The following SYT14 variants were observed in gnomAD, a reference collection of about 807,000 sequenced individuals.
SYT14 encodes synaptotagmin 14, also known as synaptotagmin-14.
Under a neutral mutation model 74.2 loss-of-function variants are expected in SYT14, and 32 were observed. The observed-to-expected ratio is 0.43, with a 90% CI of 0.33 to 0.58. The LOEUF (loss-of-function observed/expected upper bound fraction) is 0.58, where lower values mean the gene tolerates loss of function less well. Ranked by LOEUF, SYT14 falls within the 20% of genes least tolerant of loss-of-function variation. SYT14 has a pLI of 0.05. For synonymous variants in SYT14, 298 were observed against 337.7 expected, an observed-to-expected ratio of 0.88 and a Z score of 1.29; for missense variants, 791 against 981.8, an observed-to-expected ratio of 0.81 and a Z score of 2.60.
At chr1:210,093,797 G>T (rs1173763785) in intron 5 of SYT14, among the ~76,000 whole-genome samples, 2 of 152,178 alleles carry the variant, frequency 1.3e-5, no homozygotes, top group African/African-American at 2.4e-5. Context: ...TCTGGATCCA[G>T]GACAGATGTA....
intron 2 of SYT14, among the ~76,000 whole-genome samples, chr1:210,010,008 A>G (rs1572152707): frequency 6.6e-6 from 1 of 152,072 alleles, no homozygotes; most frequent in Non-Finnish European, 1.5e-5. Context: ...TAAGTGGATC[A>G]TTATCAATTT....
chr1:210,164,228 T>G (rs1558235776), exon 10 of SYT14: 1 of 295,480 alleles, frequency 3.4e-6, no homozygotes, highest in East Asian at 8.1e-5. Flanking sequence ...TACTGTGCAT[T>G]TAGTGAATTC....
At chr1:210,057,137 G>A (rs892990403) in intron 5 of SYT14, among the ~76,000 whole-genome samples, 7 of 152,070 alleles carry the variant, frequency 4.6e-5, no homozygotes, top group Admixed American at 6.6e-5. Flanking sequence ...GAGCCACCAC[G>A]CCCGACCCCA....
chr1:210,058,491 C>T (rs1482451417), intron 5 of SYT14, among the ~76,000 whole-genome samples: 1 of 152,150 alleles, frequency 6.6e-6, no homozygotes. Flanking sequence ...ATCAGGCAAC[C>T]AGCAAACCAG....
chr1:210,108,675 T>C (rs2082203462), intron 7 of SYT14, among the ~76,000 whole-genome samples: 3 of 151,642 alleles, frequency 2.0e-5, no homozygotes, highest in African/African-American at 7.3e-5. Flanking sequence ...AATCAATGTG[T>C]TTGGGATATA....
In SYT14 at chr1:210,112,947, G is replaced by T. The variant is rs564148823; in HGVS notation, c.2034+12486G>T. On this transcript the variant is annotated intron_variant, in intron 7 of 9. Coordinates refer to ENST00000637265, the Ensembl canonical transcript of SYT14. ...AGGGGGCAGAAAGTATATGCGTCAG[G>T]TGTGAGGAAGAAAATAGATTTTGCA... Among the ~76,000 whole-genome samples the T allele has an allele frequency of 5.0e-4, 76 of 151,446 alleles. 1 individual carries two copies. The highest frequency in any genetic ancestry group is 9.6e-4 in the Non-Finnish European group (65 of 68,014).
At chr1:209,978,189 CCTT>C (rs527297832) in intron 2 of SYT14, among the ~76,000 whole-genome samples, 2 of 149,456 alleles carry the variant, frequency 1.3e-5, no homozygotes, top group East Asian at 2.0e-4. Context: ...TCGTCTGAAG[CCTT>C]CTTCTCTCAA....
At chr1:210,160,925 A>T (rs1455714544) in exon 10 of SYT14, 2 of 1,613,948 alleles carry the variant, frequency 1.2e-6, no homozygotes, top group South Asian at 2.2e-5. Flanking sequence ...AAGAGATGAT[A>T]GGCTGGATTT....
At chr1:210,159,698 T>A (rs1009140635) in intron 9 of SYT14, among the ~76,000 whole-genome samples, 2 of 152,184 alleles carry the variant, frequency 1.3e-5, no homozygotes, top group Admixed American at 6.5e-5. Context: ...AAAATAAAAA[T>A]TTTTATTTTT....
At chr1:210,029,349 A>G (rs551839723) in intron 5 of SYT14, among the ~76,000 whole-genome samples, 19 of 152,196 alleles carry the variant, frequency 1.2e-4, no homozygotes, top group African/African-American at 4.1e-4. Flanking sequence ...GCCAAATCCA[A>G]TGTTGTGAGG....
intron 2 of SYT14, among the ~76,000 whole-genome samples, chr1:210,011,901 A>C (rs1256874117): frequency 6.6e-6 from 1 of 152,190 alleles, no homozygotes; most frequent in Non-Finnish European, 1.5e-5. Context: ...GTTCCTGTTT[A>C]ACTCCAAATG....
At chr1:209,960,978 T>C (rs1251853789) in intron 2 of SYT14, among the ~76,000 whole-genome samples, 4 of 152,186 alleles carry the variant, frequency 2.6e-5, no homozygotes, top group Admixed American at 1.3e-4. Context: ...TCCAAACTTA[T>C]GGCAATTAAG....
intron 5 of SYT14, among the ~76,000 whole-genome samples, chr1:210,047,687 G>A (rs1051282858): frequency 3.9e-5 from 6 of 152,130 alleles, no homozygotes; most frequent in African/African-American, 7.2e-5. Flanking sequence ...GTGAGCCACC[G>A]TGCCTGGCCT....
chr1:210,021,103 T>G (rs773981786), exon 5 of SYT14: 1 of 1,613,912 alleles, frequency 6.2e-7, no homozygotes, highest in East Asian at 2.2e-5. Context: ...AAGCGCTGGG[T>G]AAATATCATG....
At chr1:210,096,922 G>C (rs994103671) in intron 6 of SYT14, among the ~76,000 whole-genome samples, 36 of 152,098 alleles carry the variant, frequency 2.4e-4, no homozygotes, top group African/African-American at 6.5e-4. Flanking sequence ...TATGAATTCT[G>C]CCTATGTCTC....
chr1:209,940,417 A>G (rs925053879), intron 1 of SYT14, among the ~76,000 whole-genome samples: 1 of 150,310 alleles, frequency 6.7e-6, no homozygotes, highest in Non-Finnish European at 1.5e-5. Flanking sequence ...GCTAGATTCC[A>G]TGGGGCCAAA....
At chr1:210,029,878 G>A (rs527271378) in intron 5 of SYT14, among the ~76,000 whole-genome samples, 1 of 152,250 alleles carries the variant, frequency 6.6e-6, no homozygotes, top group African/African-American at 2.4e-5. Context: ...CATCAACATA[G>A]TGTGCCTTCT....
chr1:209,994,656 T>C (rs1294957812), intron 2 of SYT14, among the ~76,000 whole-genome samples: 1 of 152,052 alleles, frequency 6.6e-6, no homozygotes, highest in Non-Finnish European at 1.5e-5. Flanking sequence ...CTAGATACTA[T>C]AGACAGGAAC....
chr1:210,117,130 C>T (rs542778030), intron 7 of SYT14, among the ~76,000 whole-genome samples: 11 of 152,266 alleles, frequency 7.2e-5, no homozygotes, highest in Admixed American at 7.2e-4. Flanking sequence ...TGACTTACTA[C>T]AATGATGAAC....
Sources: gnomAD v4.1 joint callset for allele counts (sites outside exome capture counted in the v4.1 genomes callset) on GRCh38, gnomAD v4.1.1 for gene constraint, MANE v1.5 for transcripts, NCBI Gene and HGNC (gene_info 2026-07-23, HGNC 2026-07-21) for gene names.